The following SGCZ variants were observed in gnomAD, a reference collection of about 807,000 sequenced individuals.
The protein encoded by SGCZ is zeta-sarcoglycan.
SGCZ carries 40 observed loss-of-function variants against 41.3 expected under a neutral mutation model. That is an observed-to-expected ratio of 0.97 (90% CI 0.75 to 1.26). The LOEUF is 1.26. Ranked by LOEUF, SGCZ falls within the 50% of genes most tolerant of loss-of-function variation. The probability of loss-of-function intolerance (pLI) is 0.00; values close to 1 mark genes in which losing one functional copy is unlikely to be tolerated. For missense variants in SGCZ, 552 were observed against 369.8 expected, an observed-to-expected ratio of 1.49 and a Z score of -4.04; for synonymous variants, 206 against 137.5, an observed-to-expected ratio of 1.50 and a Z score of -3.49.
chr8:15,154,438 T>C (rs988233160), intron 1 of SGCZ, among the ~76,000 whole-genome samples: 3 of 152,124 alleles, frequency 2.0e-5, no homozygotes, highest in Non-Finnish European at 4.4e-5. Context: ...AAGACTCTTA[T>C]GAAGGGCTGG....
chr8:14,832,421 G>C (rs1057077930), intron 1 of SGCZ, among the ~76,000 whole-genome samples: 1 of 152,142 alleles, frequency 6.6e-6, no homozygotes, highest in Non-Finnish European at 1.5e-5. Context: ...GACCAGGCAA[G>C]ACCAAGAGGT....
intron 1 of SGCZ, among the ~76,000 whole-genome samples, chr8:14,864,741 T>G (rs1803866442): frequency 1.3e-5 from 2 of 152,132 alleles, no homozygotes; most frequent in African/African-American, 4.8e-5. Context: ...TTTTTGAGGA[T>G]CTCCATACAC....
chr8:14,215,873 G>A (rs1472227937), intron 4 of SGCZ, among the ~76,000 whole-genome samples: 14 of 152,314 alleles, frequency 9.2e-5, no homozygotes, highest in South Asian at 2.1e-4. Context: ...AGATGGTGCC[G>A]GGTGCAACCC....
chr8:14,188,814 T>C (rs1804991147), intron 4 of SGCZ, among the ~76,000 whole-genome samples: 1 of 22,998 alleles, frequency 4.3e-5, no homozygotes, highest in Non-Finnish European at 7.6e-5. Flanking sequence ...TTTTGTTTGT[T>C]TGTTTCTTTG....
chr8:14,250,895 A>G (rs1799258918), intron 3 of SGCZ, among the ~76,000 whole-genome samples: 1 of 152,100 alleles, frequency 6.6e-6, no homozygotes, highest in African/African-American at 2.4e-5. Flanking sequence ...ACTCTGATAT[A>G]CCGCCAGATA....
chr8:14,276,931 G>C (rs1244773316), intron 3 of SGCZ, among the ~76,000 whole-genome samples: 5 of 152,136 alleles, frequency 3.3e-5, no homozygotes, highest in African/African-American at 7.2e-5. Context: ...GAAACCCCTA[G>C]AGAATATTTA....
intron 4 of SGCZ, among the ~76,000 whole-genome samples, chr8:14,210,980 A>C (rs1434871458): frequency 6.6e-6 from 1 of 152,146 alleles, no homozygotes; most frequent in East Asian, 1.9e-4. Context: ...GAAATGAGAG[A>C]AACCCACTTC....
chr8:14,768,686 G>A (rs957394118), intron 1 of SGCZ, among the ~76,000 whole-genome samples: 1 of 152,076 alleles, frequency 6.6e-6, no homozygotes, highest in Admixed American at 6.6e-5. Flanking sequence ...CACTTCAAGA[G>A]ATGCGGGAGT....
At chr8:14,467,293 C>A (rs1254359668) in intron 2 of SGCZ, among the ~76,000 whole-genome samples, 2 of 151,966 alleles carry the variant, frequency 1.3e-5, no homozygotes, top group East Asian at 3.9e-4. Context: ...GGGGCACTGG[C>A]CCTTTTAATT....
intron 1 of SGCZ, among the ~76,000 whole-genome samples, chr8:14,835,224 T>C (rs1456900851): frequency 1.3e-5 from 2 of 152,166 alleles, no homozygotes. Context: ...TGCTTGAGCA[T>C]CTAGACAAAG....
At chr8:15,166,495 G>A (rs1031050614) in intron 1 of SGCZ, among the ~76,000 whole-genome samples, 7 of 152,054 alleles carry the variant, frequency 4.6e-5, no homozygotes, top group South Asian at 4.1e-4. Context: ...TGATCCGCCC[G>A]CCTTGGCCTC....
intron 1 of SGCZ, among the ~76,000 whole-genome samples, chr8:14,577,061 T>C (rs900246225): frequency 1.3e-5 from 2 of 152,220 alleles, no homozygotes; most frequent in African/African-American, 4.8e-5. Flanking sequence ...GATCTTTCAA[T>C]TGCCAAAAGG....
At chr8:14,919,504 C>G (rs1021578599) in intron 1 of SGCZ, among the ~76,000 whole-genome samples, 3 of 152,112 alleles carry the variant, frequency 2.0e-5, no homozygotes, top group Non-Finnish European at 4.4e-5. Context: ...TTGTTCTTTG[C>G]TCTCGTCTTG....
At chr8:14,563,805 A>T (rs1804277904) in intron 1 of SGCZ, among the ~76,000 whole-genome samples, 1 of 152,206 alleles carries the variant, frequency 6.6e-6, no homozygotes, top group African/African-American at 2.4e-5. Context: ...TCTAGTCCAA[A>T]TTTTATCACT....
chr8:14,373,677 G>T (rs1295831682), intron 2 of SGCZ, among the ~76,000 whole-genome samples: 1 of 152,116 alleles, frequency 6.6e-6, no homozygotes, highest in Non-Finnish European at 1.5e-5. Context: ...TAAATGATTT[G>T]AAAAAATCAA....
intron 1 of SGCZ, among the ~76,000 whole-genome samples, chr8:14,987,843 A>G (rs778228372): frequency 1.3e-5 from 2 of 152,044 alleles, no homozygotes; most frequent in Non-Finnish European, 2.9e-5. Context: ...TTACATATCA[A>G]TTAATACGTG....
chr8:14,255,070 A>G (rs930506091), intron 3 of SGCZ, among the ~76,000 whole-genome samples: 5 of 152,092 alleles, frequency 3.3e-5, no homozygotes, highest in Non-Finnish European at 2.9e-5. Context: ...GTATCTCAGT[A>G]TTAGTTCCAG....
At chr8:14,720,933 A>ATGAT (rs1809865805) in intron 1 of SGCZ, among the ~76,000 whole-genome samples, 1 of 151,014 alleles carries the variant, frequency 6.6e-6, no homozygotes, top group East Asian at 2.0e-4. Context: ...AATTTTTTTT[A>ATGAT]TGATTATAAA....
chr8:15,028,349 T>C (rs1803529477), intron 1 of SGCZ, among the ~76,000 whole-genome samples: 1 of 151,694 alleles, frequency 6.6e-6, no homozygotes, highest in Admixed American at 6.6e-5. Context: ...AGGAACACTA[T>C]CGTCTTTCTA....
Sources: gnomAD v4.1 joint callset for allele counts (sites outside exome capture counted in the v4.1 genomes callset) on GRCh38, gnomAD v4.1.1 for gene constraint, MANE v1.5 for transcripts, NCBI Gene and HGNC (gene_info 2026-07-23, HGNC 2026-07-21) for gene names.